The following GALNT17 variants were observed in gnomAD, a reference collection of about 807,000 sequenced individuals.
GALNT17 encodes UDP-GalNAc:polypeptide N-acetylgalactosaminyltransferase-like 3.
Under a neutral mutation model 63.7 loss-of-function variants are expected in GALNT17, and 29 were observed. That is an observed-to-expected ratio of 0.46 (90% CI 0.34 to 0.62). The LOEUF (loss-of-function observed/expected upper bound fraction) is 0.62. Among genes scored for constraint, GALNT17 ranks in the 20% least tolerant of loss-of-function variants. The pLI, the probability that GALNT17 is intolerant of heterozygous loss-of-function variation, is 0.01. For synonymous variants in GALNT17, 305 were observed against 318.3 expected (o/e 0.96, Z 0.45); for missense variants, 603 against 799.6 (o/e 0.75, Z 2.97).
intron 5 of GALNT17, among the ~76,000 whole-genome samples, chr7:71,566,748 G>A (rs758868439): frequency 1.3e-5 from 2 of 151,368 alleles, no homozygotes; most frequent in African/African-American, 2.4e-5. Context: ...TGCAAAGAAC[G>A]GAAACTTATC....
chr7:71,189,353 G>A lies in GALNT17; in HGVS notation c.238+56313G>A, dbSNP rs143830134. 4.2e-3 allele frequency among the ~76,000 whole-genome samples: 647 copies of A among 152,246 alleles called. 2 individuals carry two copies. Among genetic ancestry groups the A allele is most frequent in the African/African-American group, 0.014 (599 of 41,558 alleles). ...TTCTTTATAAATTACCCTGTCTCGGGTATGTGAAAATGGAATAATACATTG... is the reference window on the plus strand; with the variant it reads ...TTCTTTATAAATTACCCTGTCTCGGATATGTGAAAATGGAATAATACATTG... On this transcript the variant is annotated intron_variant, in intron 1 of 10. Coordinates refer to ENST00000333538, the MANE Select transcript of GALNT17 (RefSeq NM_022479.3).
chr7:71,432,856 C>A (rs1041645267), intron 5 of GALNT17, among the ~76,000 whole-genome samples: 1 of 152,102 alleles, frequency 6.6e-6, no homozygotes, highest in African/African-American at 2.4e-5. Context: ...ATCACCCAGG[C>A]GGGAGTGCAG....
At chr7:71,248,890 G>A (rs970763313) in intron 1 of GALNT17, among the ~76,000 whole-genome samples, 2 of 152,110 alleles carry the variant, frequency 1.3e-5, no homozygotes, top group Admixed American at 1.3e-4. Context: ...TTACCGTAAA[G>A]GTGACAGCCT....
intron 6 of GALNT17, among the ~76,000 whole-genome samples, chr7:71,580,851 G>A (rs993234669): frequency 6.6e-6 from 1 of 152,176 alleles, no homozygotes; most frequent in Non-Finnish European, 1.5e-5. Flanking sequence ...AGAGGCATTT[G>A]CATGTGTGGG....
chr7:71,321,958 T>TTCCG, intron 1 of GALNT17, among the ~76,000 whole-genome samples: 1 of 125,208 alleles, frequency 8.0e-6, no homozygotes, highest in Non-Finnish European at 1.7e-5. Flanking sequence ...CCTTCCTTCC[T>TTCCG]TCCTTTTTTT....
rs192854913 is a variant in GALNT17 at position 71,220,541 on chromosome 7, A to G, written c.238+87501A>G. On this transcript the variant is annotated intron_variant, in intron 1 of 10. Transcript: ENST00000333538. ...CTGCTCTAACTCACCCTAAATAGCC[A>G]TGGGGTGTAGTTCATTTTATCTGTC... Among the ~76,000 whole-genome samples, 330 of 152,288 alleles carry G rather than the reference A, an allele frequency of 2.2e-3. 1 individual carries two copies. The highest frequency in any genetic ancestry group is 7.8e-3 in the African/African-American group (323 of 41,564).
At chr7:71,545,081 A>T (rs763746165) in intron 5 of GALNT17, among the ~76,000 whole-genome samples, 19 of 152,058 alleles carry the variant, frequency 1.2e-4, no homozygotes, top group Non-Finnish European at 2.6e-4. Context: ...CAACTTTCAT[A>T]TTTTATATCG....
At chr7:71,617,088 G>T (rs1790221688) in intron 6 of GALNT17, among the ~76,000 whole-genome samples, 1 of 147,068 alleles carries the variant, frequency 6.8e-6, no homozygotes, top group South Asian at 2.1e-4. Flanking sequence ...ATGTGATTAT[G>T]TATCAGTTAT....
chr7:71,633,840 T>C (rs1332654233), intron 6 of GALNT17, among the ~76,000 whole-genome samples: 1 of 152,184 alleles, frequency 6.6e-6, no homozygotes, highest in Non-Finnish European at 1.5e-5. Flanking sequence ...AAGCACATTT[T>C]TTTGCTTTCA....
At chr7:71,183,470 C>T (rs187753580) in intron 1 of GALNT17, among the ~76,000 whole-genome samples, 4 of 152,292 alleles carry the variant, frequency 2.6e-5, no homozygotes, top group South Asian at 4.1e-4. Context: ...ATTCCTCCCA[C>T]GTCAAAGAGT....
chr7:71,664,509 G>A (rs546423842), intron 6 of GALNT17, among the ~76,000 whole-genome samples: 198 of 152,252 alleles, frequency 1.3e-3, no homozygotes, highest in African/African-American at 4.6e-3. Flanking sequence ...TACTTGGAAG[G>A]CTGAGGCAGG....
intron 8 of GALNT17, among the ~76,000 whole-genome samples, chr7:71,676,294 G>A (rs1403215981): frequency 6.6e-6 from 1 of 152,052 alleles, no homozygotes; most frequent in African/African-American, 2.4e-5. Flanking sequence ...ACCTACAATG[G>A]TGCTTAGTAC....
chr7:71,508,010 C>T lies in GALNT17; in HGVS notation c.963-63275C>T, dbSNP rs117244502. Among the ~76,000 whole-genome samples the T allele has an allele frequency of 1.5e-4, 23 of 152,278 alleles. No homozygotes were observed. The East Asian group carries it at 2.7e-3, about 18-fold the overall frequency. ...ACAAAATATTAAGTATTTTAAGCTG[C>T]GCCAGTCCACCCCGAAGAAATTAAG... is the stretch of plus-strand genomic sequence containing the variant. On this transcript the variant is annotated intron_variant, in intron 5 of 10. Transcript: ENST00000333538.
chr7:71,410,640 G>A lies in GALNT17; in HGVS notation c.590-5249G>A, dbSNP rs192947369. Among the ~76,000 whole-genome samples the A allele has an allele frequency of 6.6e-5, 10 of 152,340 alleles. No homozygotes were observed. In the East Asian group the frequency reaches 1.2e-3, roughly 18 times the overall value. ...GGGCTCTGAGCCCAGGGATGGTACC[G>A]ATAGTTTATTCTGTCATATCACTGA... On this transcript the variant is annotated intron_variant, in intron 3 of 10. Transcript: ENST00000333538.
intron 5 of GALNT17, among the ~76,000 whole-genome samples, chr7:71,425,817 A>C (rs1231884463): frequency 6.6e-6 from 1 of 152,120 alleles, no homozygotes; most frequent in Non-Finnish European, 1.5e-5. Context: ...GTAAAGAAAT[A>C]CCTGAGACTG....
intron 1 of GALNT17, among the ~76,000 whole-genome samples, chr7:71,265,149 T>C (rs1306261891): frequency 7.9e-6 from 1 of 126,416 alleles, no homozygotes; most frequent in East Asian, 2.2e-4. Context: ...TTTTTTGAGA[T>C]GGAGTCTCTC....
intron 3 of GALNT17, among the ~76,000 whole-genome samples, chr7:71,400,585 T>C (rs1793222189): frequency 6.6e-6 from 1 of 152,224 alleles, no homozygotes; most frequent in African/African-American, 2.4e-5. Flanking sequence ...ACTATTTTTA[T>C]GAGTAAATGT....
chr7:71,228,447 T>G (rs908107092), intron 1 of GALNT17, among the ~76,000 whole-genome samples: 5 of 152,130 alleles, frequency 3.3e-5, no homozygotes, highest in Admixed American at 3.3e-4. Flanking sequence ...TGCCACAAAC[T>G]TAAGGCCTTC....
At chr7:71,687,798 G>A (rs1285946110) in intron 9 of GALNT17, among the ~76,000 whole-genome samples, 1 of 152,122 alleles carries the variant, frequency 6.6e-6, no homozygotes, top group African/African-American at 2.4e-5. Flanking sequence ...GAGTGCGGTG[G>A]TGCAGTCAGC....
Sources: gnomAD v4.1 joint callset for allele counts (sites outside exome capture counted in the v4.1 genomes callset) on GRCh38, gnomAD v4.1.1 for gene constraint, MANE v1.5 for transcripts, NCBI Gene and HGNC (gene_info 2026-07-23, HGNC 2026-07-21) for gene names.